The following CAPRIN1 variants were observed in gnomAD, a reference collection of about 807,000 sequenced individuals.
CAPRIN1 encodes caprin-1.
A neutral mutation model predicts 100.9 loss-of-function variants in CAPRIN1; 29 were observed. The observed-to-expected ratio is 0.29, with a 90% CI of 0.21 to 0.39. The LOEUF (loss-of-function observed/expected upper bound fraction) is 0.39. Ranked by LOEUF, CAPRIN1 falls within the 10% of genes least tolerant of loss-of-function variation. The pLI is 1.00. For synonymous variants in CAPRIN1, 338 were observed against 307.5 expected (o/e 1.10, Z -1.04); for missense variants, 795 against 876.7 (o/e 0.91, Z 1.18).
intron 7 of CAPRIN1, among the ~76,000 whole-genome samples, 160 bp downstream of exon 7, chr11:34,079,925 T>G (rs1850985366): frequency 3.1e-5 from 1 of 31,910 alleles, no homozygotes; most frequent in African/African-American, 1.1e-4. Context: ...TTTTTTTTTT[T>G]TTTTTTTTTT....
chr11:34,052,758 C>A, intron 2 of CAPRIN1, 122 bp downstream of exon 2: 1 of 1,417,406 alleles, frequency 7.1e-7, no homozygotes, highest in Non-Finnish European at 9.5e-7. Context: ...CCCCTCCTCC[C>A]ACCCCCTGGC....
rs1169348203 is a variant in CAPRIN1 at position 34,076,631 on chromosome 11, G to A, written c.677G>A (p.Cys226Tyr). The change falls in exon 6 of 19, where the codon TGT (cysteine) becomes TAT (tyrosine). Residue 226 changes from cysteine (C) to tyrosine (Y), a missense_variant. Physicochemically the swap from Cys to Tyr is radical, Grantham distance 194. This residue lies in a region of CAPRIN1 where 648 missense variants were observed against 697.9 expected (regional missense o/e 0.93). Coordinates refer to ENST00000341394, the MANE Select transcript of CAPRIN1 (RefSeq NM_005898.5). The part of the protein sequence containing the change: ...DLLEGKEKPV[C>Y]GTTYKVLKEI... ...CTGGAAGGGAAGGAAAAACCTGTATGTGGAACCACCTGTGAGTATCACTGT... is the reference window on the plus strand; with the variant it reads ...CTGGAAGGGAAGGAAAAACCTGTATATGGAACCACCTGTGAGTATCACTGT... 1 of 1,609,320 alleles carries A rather than the reference G, an allele frequency of 6.2e-7. No individual in the cohort carries two copies. Among genetic ancestry groups the A allele is most frequent in the African/African-American group, 1.3e-5 (1 of 74,918 alleles).
intron 6 of CAPRIN1, among the ~76,000 whole-genome samples, chr11:34,079,260 C>T (rs1186551162): frequency 2.0e-5 from 3 of 152,066 alleles, no homozygotes; most frequent in Non-Finnish European, 4.4e-5. Flanking sequence ...ATTGGCTGGA[C>T]GTGGTGGTAC....
chr11:34,054,802 G>T lies in CAPRIN1; in HGVS notation c.216+2166G>T, dbSNP rs187808949. Among the ~76,000 whole-genome samples the T allele has an allele frequency of 8.7e-4, 133 of 152,034 alleles. 1 individual carries two copies. In the East Asian group the frequency reaches 0.024, roughly 28 times the overall value. ...AGTTTTTGATTCTTTAGAATTTCTT[G>T]GAAATGTTTTTTTCTAGGACAGTAA... On this transcript the variant is annotated intron_variant, in intron 2 of 18. Coordinates refer to ENST00000341394, the MANE Select transcript of CAPRIN1 (RefSeq NM_005898.5).
chr11:34,071,672 A>G (rs1850806501), intron 2 of CAPRIN1, 54 bp from the exon 3 acceptor site: 1 of 1,248,934 alleles, frequency 8.0e-7, no homozygotes, highest in Non-Finnish European at 1.2e-6. Context: ...AGCATGCTTA[A>G]GCTGGTATAT....
chr11:34,062,743 A>G (rs914553213), intron 2 of CAPRIN1, among the ~76,000 whole-genome samples: 4 of 152,150 alleles, frequency 2.6e-5, no homozygotes, highest in Admixed American at 1.3e-4. Context: ...TGGCCTGGAT[A>G]CATAAAGTAT....
At chr11:34,092,288 C>G (rs1346838556) in intron 15 of CAPRIN1, among the ~76,000 whole-genome samples, 3 of 151,764 alleles carry the variant, frequency 2.0e-5, no homozygotes, top group Admixed American at 2.0e-4. Context: ...ACTGAACTTA[C>G]ATAATATCCC....
intron 2 of CAPRIN1, among the ~76,000 whole-genome samples, chr11:34,069,397 G>A (rs893067258): frequency 1.3e-5 from 2 of 151,970 alleles, no homozygotes; most frequent in African/African-American, 4.8e-5. Context: ...ATCTGCCGAC[G>A]TTGGCCTCCC....
chr11:34,077,763 T>C (rs1445631121), intron 6 of CAPRIN1, among the ~76,000 whole-genome samples: 1 of 152,196 alleles, frequency 6.6e-6, no homozygotes, highest in African/African-American at 2.4e-5. Flanking sequence ...TTTAGAAGAG[T>C]ATATTTGCTT....
At chr11:34,070,713 T>C (rs1363582876) in intron 2 of CAPRIN1, among the ~76,000 whole-genome samples, 2 of 150,232 alleles carry the variant, frequency 1.3e-5, no homozygotes, top group East Asian at 4.0e-4. Flanking sequence ...ATACTCTTTT[T>C]TTTTTGGATG....
At chr11:34,060,447 C>T (rs1172473594) in intron 2 of CAPRIN1, among the ~76,000 whole-genome samples, 1 of 152,110 alleles carries the variant, frequency 6.6e-6, no homozygotes, top group East Asian at 1.9e-4. Context: ...TTAAGCGATC[C>T]TCTTGTCTCA....
At chr11:34,084,810 T>C (rs1162988537) in intron 9 of CAPRIN1, among the ~76,000 whole-genome samples, 1 of 152,160 alleles carries the variant, frequency 6.6e-6, no homozygotes, top group East Asian at 1.9e-4. Flanking sequence ...TTATTGAACA[T>C]AGAATGCAAG....
At chr11:34,062,813 A>G (rs1398368224) in intron 2 of CAPRIN1, among the ~76,000 whole-genome samples, 1 of 152,076 alleles carries the variant, frequency 6.6e-6, no homozygotes, top group Non-Finnish European at 1.5e-5. Context: ...ATTCCCTCTC[A>G]GTTTAGACAT....
chr11:34,074,810 GGTGTCAGTGAGCCAAGATC>G (rs1186779155), intron 4 of CAPRIN1, among the ~76,000 whole-genome samples: 1 of 152,234 alleles, frequency 6.6e-6, no homozygotes, highest in African/African-American at 2.4e-5. Context: ...GAGAAGTAGA[GGTGTCAGTGAGCCAAGATC>G]GTGCCACTGC....
chr11:34,097,848 A>G, intron 18 of CAPRIN1, 87 bp downstream of exon 18: 1 of 1,606,420 alleles, frequency 6.2e-7, no homozygotes, highest in Non-Finnish European at 8.5e-7. Context: ...CATGTTAGGA[A>G]TACATTTATC....
intron 2 of CAPRIN1, among the ~76,000 whole-genome samples, chr11:34,059,507 A>G (rs916980093): frequency 6.6e-6 from 1 of 152,094 alleles, no homozygotes; most frequent in Non-Finnish European, 1.5e-5. Flanking sequence ...TGACCTTGTG[A>G]TCTGCCTGCC....
chr11:34,083,177 G>A (rs1451982686), intron 9 of CAPRIN1, 136 bp downstream of exon 9: 2 of 633,848 alleles, frequency 3.2e-6, no homozygotes, highest in Non-Finnish European at 5.6e-6. Flanking sequence ...ACACCAGACT[G>A]TTACTTCCAA....
At position 34,101,393 on chromosome 11, in the gene CAPRIN1, AG is replaced by A. The variant is rs756109350; in HGVS notation, c.*2027del. Among the ~76,000 whole-genome samples the A allele has an allele frequency of 3.3e-5, 5 of 152,304 alleles. No individual in the cohort carries two copies. Among genetic ancestry groups the A allele is most frequent in the Non-Finnish European group, 7.4e-5 (5 of 68,008 alleles). On this transcript the variant is annotated 3_prime_UTR_variant, in exon 19 of 19. Transcript: ENST00000341394. Reference sequence around the variant, plus strand: ...ATAAAACTAAATTTGCTATCTGTGTAGAAAATAATTTCATGACATTTACAAT... The same window carrying A: ...ATAAAACTAAATTTGCTATCTGTGTAAAAATAATTTCATGACATTTACAAT...
chr11:34,060,502 GC>G (rs1565083042), intron 2 of CAPRIN1, among the ~76,000 whole-genome samples: 1 of 152,006 alleles, frequency 6.6e-6, no homozygotes, highest in Admixed American at 6.6e-5. Flanking sequence ...ACTGTGCCTG[GC>G]CCCCCTCAAT....
Sources: gnomAD v4.1 joint callset for allele counts (sites outside exome capture counted in the v4.1 genomes callset) on GRCh38, gnomAD v4.1.1 for gene constraint, gnomAD v4.1.1 regional missense constraint, MANE v1.5 for transcripts, NCBI Gene and HGNC (gene_info 2026-07-23, HGNC 2026-07-21) for gene names.